Variants in TGDS observed in about 807,000 individuals in gnomAD.
TGDS encodes the protein TDP-glucose 4,6-dehydratase.
Under a neutral mutation model 52.3 loss-of-function variants are expected in TGDS, and 47 were observed. The observed-to-expected ratio is 0.90, with a 90% confidence interval of 0.71 to 1.15. The LOEUF is 1.15. Among genes scored for constraint, TGDS ranks in the 50% most tolerant of loss-of-function variants. TGDS has a pLI of 0.00. For synonymous variants in TGDS, 115 were observed against 136.9 expected, an observed-to-expected ratio of 0.84 and a Z score of 1.12; for missense variants, 375 against 418.4, an observed-to-expected ratio of 0.90 and a Z score of 0.90.
chr13:94,591,838 A>G (rs1005388324), intron 3 of TGDS, among the ~76,000 whole-genome samples: 3 of 152,236 alleles, frequency 2.0e-5, no homozygotes, highest in African/African-American at 7.2e-5. Flanking sequence ...AAAAATACAT[A>G]AGTTAAATAG....
At chr13:94,581,038 A>T in intron 6 of TGDS, 53 bp downstream of exon 6, 1 of 1,079,166 alleles carries the variant, frequency 9.3e-7, no homozygotes, top group Non-Finnish European at 1.3e-6. Flanking sequence ...TTGGAGTTTT[A>T]ACACTTAAGT....
At chr13:94,585,265 C>G (rs1330530073) in intron 4 of TGDS, among the ~76,000 whole-genome samples, 2 of 151,898 alleles carry the variant, frequency 1.3e-5, no homozygotes, top group East Asian at 3.9e-4. Flanking sequence ...CGAGGCTGGT[C>G]TTGAACGCCT....
intron 11 of TGDS, among the ~76,000 whole-genome samples, chr13:94,576,063 C>A (rs948980552): frequency 1.3e-5 from 2 of 152,036 alleles, no homozygotes; most frequent in African/African-American, 4.8e-5. Flanking sequence ...AAATATGTAC[C>A]TCAGAATAAA....
intron 9 of TGDS, 146 bp from the exon 10 acceptor site, chr13:94,577,575 ATAC>A: frequency 1.6e-6 from 1 of 612,706 alleles, no homozygotes; most frequent in Non-Finnish European, 2.7e-6. Context: ...AACACTTTCT[ATAC>A]TTTATAACCT....
chr13:94,580,729 T>C (rs915111078), intron 6 of TGDS, among the ~76,000 whole-genome samples: 2 of 152,264 alleles, frequency 1.3e-5, no homozygotes, highest in Non-Finnish European at 2.9e-5. Context: ...CCTTTAATGA[T>C]GAACTGAATA....
At chr13:94,582,024 AC>A (rs538389614) in intron 5 of TGDS, among the ~76,000 whole-genome samples, 3 of 151,994 alleles carry the variant, frequency 2.0e-5, no homozygotes, top group African/African-American at 7.3e-5. Context: ...ACATGGAGAA[AC>A]CCCATCTCTA....
chr13:94,595,829 C>A (rs1045070613), intron 1 of TGDS: 20 of 600,398 alleles, frequency 3.3e-5, no homozygotes, highest in African/African-American at 1.7e-4. Context: ...CGGAGAGTAA[C>A]GCAGCTTTGG....
chr13:94,595,842 G>A (rs771632282), intron 1 of TGDS: 1 of 618,242 alleles, frequency 1.6e-6, no homozygotes, highest in Non-Finnish European at 2.9e-6. Flanking sequence ...AGCTTTGGAA[G>A]AGGCGTTTTA....
intron 6 of TGDS, among the ~76,000 whole-genome samples, chr13:94,580,405 G>C (rs1302779758): frequency 6.6e-6 from 1 of 152,198 alleles, no homozygotes; most frequent in East Asian, 1.9e-4. Context: ...TCCAAGGCTT[G>C]CCTCTCTGAC....
At chr13:94,575,723 G>T (rs1417232373) in intron 11 of TGDS, among the ~76,000 whole-genome samples, 1 of 152,010 alleles carries the variant, frequency 6.6e-6, no homozygotes, top group African/African-American at 2.4e-5. Flanking sequence ...TGTATTTCAA[G>T]CTCTGAATCA....
chr13:94,585,072 T>TTC (rs1295576294), intron 4 of TGDS, among the ~76,000 whole-genome samples: 2 of 151,432 alleles, frequency 1.3e-5, no homozygotes, highest in Non-Finnish European at 2.9e-5. Context: ...CTTTTTTTTT[T>TTC]TCTCTCTCTC....
At chr13:94,579,415 G>A (rs112516978) in intron 7 of TGDS, 15 of 152,602 alleles carry the variant, frequency 9.8e-5, no homozygotes, top group East Asian at 5.8e-4. Flanking sequence ...GAAGATATTC[G>A]TGCCTACACA....
intron 10 of TGDS, among the ~76,000 whole-genome samples, chr13:94,576,917 A>G (rs1210433660): frequency 1.3e-5 from 2 of 152,154 alleles, no homozygotes; most frequent in African/African-American, 2.4e-5. Context: ...CCTGGCCAAC[A>G]TGGTGCAAAC....
rs774785775 is a variant in TGDS at position 94,592,295 on chromosome 13, T to C, written c.168A>G (p.Ala56=). 1.2e-6 allele frequency: 2 copies of C among 1,609,534 alleles called. No homozygotes were observed. The highest frequency in any genetic ancestry group is 1.1e-5 in the South Asian group (1 of 89,886). ...IINLDKLDYC[A]SLKNLETISN... is the part of the protein sequence containing the mutation. Reference sequence around the variant, plus strand: ...AAATGGTTTCAAGATTCTTCAAGCTTGCACAGTAATCCAGCTTGAAAGAAG... The same window carrying C: ...AAATGGTTTCAAGATTCTTCAAGCTCGCACAGTAATCCAGCTTGAAAGAAG... Residue 56 remains alanine (A), a synonymous_variant, in exon 3 of 12, where the codon GCA becomes GCG. Transcript: ENST00000261296.
At chr13:94,587,148 T>G (rs978130050) in intron 4 of TGDS, among the ~76,000 whole-genome samples, 1 of 144,808 alleles carries the variant, frequency 6.9e-6, no homozygotes, top group African/African-American at 2.7e-5. Flanking sequence ...GAAGTAAATT[T>G]ATAGTCTAAA....
chr13:94,583,346 A>G, intron 4 of TGDS, 110 bp from the exon 5 acceptor site: 1 of 1,116,704 alleles, frequency 9.0e-7, no homozygotes, highest in Non-Finnish European at 1.2e-6. Flanking sequence ...TTCATTTACC[A>G]CAGCTGCAAG....
At chr13:94,585,313 G>A (rs912919064) in intron 4 of TGDS, among the ~76,000 whole-genome samples, 12 of 152,018 alleles carry the variant, frequency 7.9e-5, no homozygotes, top group Non-Finnish European at 1.5e-4. Context: ...CTCCCAAAGT[G>A]TTGGGATTAC....
upstream of TGDS, chr13:94,596,247 C>T (rs1200978937): frequency 1.6e-5 from 19 of 1,171,916 alleles, no homozygotes; most frequent in East Asian, 2.6e-5. Flanking sequence ...GTTAACAGAG[C>T]AGCCAGAGGC....
At chr13:94,580,184 C>T (rs1042414917) in intron 6 of TGDS, among the ~76,000 whole-genome samples, 4 of 152,014 alleles carry the variant, frequency 2.6e-5, no homozygotes, top group African/African-American at 4.8e-5. Context: ...TTTATTAGTA[C>T]AAGAAGATAA....
Sources: gnomAD v4.1 joint callset for allele counts (sites outside exome capture counted in the v4.1 genomes callset) on GRCh38, gnomAD v4.1.1 for gene constraint, MANE v1.5 for transcripts, NCBI Gene and HGNC (gene_info 2026-07-23, HGNC 2026-07-21) for gene names.